The following SPATA31H1 variants were observed in gnomAD, a reference collection of about 807,000 sequenced individuals.
SPATA31H1 encodes SPATA31 subfamily H member 1.
chr2:27,564,241 GT>G, the SPATA31H1 span, among the ~76,000 whole-genome samples: 4 of 152,166 alleles, frequency 2.6e-5, no homozygotes, highest in Admixed American at 2.6e-4. Flanking sequence ...AAATTTTCTT[GT>G]GGTGGGCAGA....
the SPATA31H1 span, chr2:27,568,316 G>A: frequency 1.3e-5 from 5 of 398,850 alleles, no homozygotes; most frequent in African/African-American, 2.1e-5. Context: ...TGATGCCAGG[G>A]CCACAGCATA....
At chr2:27,576,895 C>A in the SPATA31H1 span, 1 of 1,614,070 alleles carries the variant, frequency 6.2e-7, no homozygotes, top group Admixed American at 1.7e-5. Context: ...GGGGAGCAAA[C>A]TCCAAGAACA....
the SPATA31H1 span, among the ~76,000 whole-genome samples, chr2:27,538,750 G>A: frequency 6.6e-6 from 1 of 151,956 alleles, no homozygotes; most frequent in Non-Finnish European, 1.5e-5. Context: ...GGAAACACTT[G>A]AACCTGGGAG....
the SPATA31H1 span, chr2:27,572,775 A>G: frequency 2.5e-6 from 1 of 397,736 alleles, no homozygotes; most frequent in South Asian, 1.3e-4. Context: ...GAAATCTTCC[A>G]TAGAGTCAGG....
chr2:27,577,537 T>A, the SPATA31H1 span: 3 of 1,614,084 alleles, frequency 1.9e-6, no homozygotes, highest in Non-Finnish European at 2.5e-6. The surrounding 1 kb of genome is among the most constrained non-coding windows in gnomAD (Gnocchi z 4.5). Flanking sequence ...GTGGAGGTGA[T>A]CTCTGAGAAA....
At chr2:27,579,886 A>G in the SPATA31H1 span, 5 of 1,614,078 alleles carry the variant, frequency 3.1e-6, no homozygotes, top group Admixed American at 8.3e-5. Context: ...ATACCCCCCG[A>G]TGTGCCTCCA....
chr2:27,550,080 T>A, the SPATA31H1 span, among the ~76,000 whole-genome samples: 4 of 152,064 alleles, frequency 2.6e-5, no homozygotes, highest in Non-Finnish European at 4.4e-5. Context: ...TATAGATGTT[T>A]TGGATATTCT....
chr2:27,573,822 C>T, the SPATA31H1 span: 23 of 398,378 alleles, frequency 5.8e-5, no homozygotes, highest in African/African-American at 4.7e-4. Context: ...AAGCCAAGAG[C>T]TACCATTACA....
At chr2:27,553,952 A>G in the SPATA31H1 span, among the ~76,000 whole-genome samples, 1 of 152,000 alleles carries the variant, frequency 6.6e-6, no homozygotes, top group South Asian at 2.1e-4. Flanking sequence ...CTCATTAGCT[A>G]AATATCCAGT....
At chr2:27,564,243 G>C in the SPATA31H1 span, among the ~76,000 whole-genome samples, 1 of 152,012 alleles carries the variant, frequency 6.6e-6, no homozygotes, top group Non-Finnish European at 1.5e-5. Context: ...ATTTTCTTGT[G>C]GTGGGCAGAT....
the SPATA31H1 span, chr2:27,577,784 T>C: frequency 6.2e-7 from 1 of 1,614,096 alleles, no homozygotes; most frequent in Non-Finnish European, 8.5e-7. The surrounding 1 kb of genome is among the most constrained non-coding windows in gnomAD (Gnocchi z 4.5). Context: ...AATCTGTAAA[T>C]CTGACCTGTA....
the SPATA31H1 span, among the ~76,000 whole-genome samples, chr2:27,546,944 T>G: frequency 1.5e-4 from 23 of 152,188 alleles, 1 homozygote; most frequent in African/African-American, 5.3e-4. Context: ...ACCACTTCAC[T>G]GTAATCCCTG....
the SPATA31H1 span, chr2:27,576,498 A>T: frequency 1.7e-6 from 2 of 1,151,090 alleles, 1 homozygote; most frequent in South Asian, 3.2e-5. Context: ...TTCAGGGTTG[A>T]CATCATGCTT....
the SPATA31H1 span, among the ~76,000 whole-genome samples, chr2:27,544,255 G>A: frequency 6.6e-6 from 1 of 151,918 alleles, no homozygotes; most frequent in Non-Finnish European, 1.5e-5. Context: ...TAATTGTATA[G>A]GGTGATGAGT....
the SPATA31H1 span, chr2:27,581,197 C>A: frequency 6.2e-7 from 1 of 1,614,174 alleles, no homozygotes; most frequent in Non-Finnish European, 8.5e-7. Context: ...CATAACCACC[C>A]CAGCTTCTAT....
At chr2:27,545,521 G>A in the SPATA31H1 span, among the ~76,000 whole-genome samples, 1 of 151,650 alleles carries the variant, frequency 6.6e-6, no homozygotes, top group African/African-American at 2.4e-5. Flanking sequence ...TAGCGTCTGA[G>A]AATTCTAGTT....
the SPATA31H1 span, among the ~76,000 whole-genome samples, chr2:27,544,523 A>G: frequency 6.8e-6 from 1 of 146,626 alleles, no homozygotes; most frequent in Non-Finnish European, 1.5e-5. Context: ...CATCTTGTTG[A>G]CAACAATTTT....
At chr2:27,542,598 G>C in the SPATA31H1 span, among the ~76,000 whole-genome samples, 3 of 151,890 alleles carry the variant, frequency 2.0e-5, no homozygotes, top group Non-Finnish European at 4.4e-5. Flanking sequence ...CCTAGACCTA[G>C]ATCTTGAAGA....
the SPATA31H1 span, among the ~76,000 whole-genome samples, chr2:27,559,929 G>A: frequency 7.9e-5 from 12 of 151,536 alleles, no homozygotes; most frequent in East Asian, 1.2e-3. Context: ...GGGCAGTGGC[G>A]TGATCTCAGC....
Sources: gnomAD v4.1 joint callset for allele counts (sites outside exome capture counted in the v4.1 genomes callset) on GRCh38, gnomAD v4.1.1 for gene constraint, Gnocchi (gnomAD v3.1) non-coding constraint, MANE v1.5 for transcripts, NCBI Gene and HGNC (gene_info 2026-07-23, HGNC 2026-07-21) for gene names.